Variants in OXR1 observed in about 807,000 individuals in gnomAD.
OXR1 encodes oxidation resistance 1, also known as oxidation resistance protein 1.
OXR1 carries 41 observed loss-of-function variants against 104.6 expected under a neutral mutation model. The ratio of observed to expected loss-of-function variants is 0.39; its 90% CI spans 0.31 to 0.51. The LOEUF (loss-of-function observed/expected upper bound fraction) is 0.51, where lower values mean the gene tolerates loss of function less well. Ranked by LOEUF, OXR1 falls within the 20% of genes least tolerant of loss-of-function variation. The pLI is 0.77. For synonymous variants in OXR1, 348 were observed against 348.4 expected, an observed-to-expected ratio of 1.00 and a Z score of 0.01; for missense variants, 955 against 1,031.9, an observed-to-expected ratio of 0.93 and a Z score of 1.02.
chr8:106,299,036 C>A (rs1813122408), intron 1 of OXR1, among the ~76,000 whole-genome samples: 1 of 151,742 alleles, frequency 6.6e-6, no homozygotes, highest in African/African-American at 2.4e-5. Flanking sequence ...TTGGGATAAG[C>A]TAGACAATAT....
At chr8:106,380,518 T>A (rs974891483) in intron 2 of OXR1, among the ~76,000 whole-genome samples, 4 of 152,210 alleles carry the variant, frequency 2.6e-5, no homozygotes, top group Non-Finnish European at 4.4e-5. Flanking sequence ...TGGTAACTCT[T>A]GTGTTTAACT....
At chr8:106,573,340 C>CAT (rs1817607962) in intron 3 of OXR1, among the ~76,000 whole-genome samples, 1 of 64,736 alleles carries the variant, frequency 1.5e-5, no homozygotes, top group Non-Finnish European at 3.0e-5. Context: ...AATTAACCAT[C>CAT]ACATACACAC....
chr8:106,353,834 C>T (rs1340179882), intron 1 of OXR1, among the ~76,000 whole-genome samples: 1 of 151,758 alleles, frequency 6.6e-6, no homozygotes, highest in Non-Finnish European at 1.5e-5. Context: ...CAATAGATCT[C>T]CTGAACTTAT....
chr8:106,708,595 A>G (rs1017425322), intron 9 of OXR1, among the ~76,000 whole-genome samples: 1 of 152,104 alleles, frequency 6.6e-6, no homozygotes, highest in African/African-American at 2.4e-5. Context: ...TTATTCTGTA[A>G]TATGTGTCAG....
intron 2 of OXR1, among the ~76,000 whole-genome samples, chr8:106,472,753 A>G (rs1441404073): frequency 2.0e-5 from 3 of 151,884 alleles, no homozygotes; most frequent in East Asian, 3.9e-4. Context: ...CTCCATGTAA[A>G]TATCAGTGTC....
chr8:106,626,463 CTTTTCATATTTTTACATTAATGTAATTA>C (rs2130869531), intron 3 of OXR1, among the ~76,000 whole-genome samples: 1 of 151,538 alleles, frequency 6.6e-6, no homozygotes, highest in Non-Finnish European at 1.5e-5. Context: ...TCATTCAGTC[CTTTTCATATTTTTACATTAATGTAATTA>C]TTTTTGCTTT....
At chr8:106,350,201 G>A (rs1254085875) in intron 1 of OXR1, among the ~76,000 whole-genome samples, 2 of 152,044 alleles carry the variant, frequency 1.3e-5, no homozygotes, top group East Asian at 1.9e-4. Context: ...TGAGATCAAC[G>A]CACAGGGACA....
chr8:106,742,128 T>C, intron 14 of OXR1, 94 bp from the exon 15 acceptor site: 2 of 746,398 alleles, frequency 2.7e-6, no homozygotes, highest in Non-Finnish European at 4.6e-6. Flanking sequence ...CAGATTTCTA[T>C]TTTTTGCATT....
At chr8:106,553,100 T>C (rs557899364) in intron 3 of OXR1, among the ~76,000 whole-genome samples, 45 of 152,160 alleles carry the variant, frequency 3.0e-4, no homozygotes, top group Admixed American at 2.5e-3. Flanking sequence ...TAGGCATAAA[T>C]GCTAAATGAT....
intron 3 of OXR1, among the ~76,000 whole-genome samples, chr8:106,606,876 G>C (rs553618048): frequency 6.6e-6 from 1 of 152,092 alleles, no homozygotes; most frequent in Non-Finnish European, 1.5e-5. Flanking sequence ...AAAAACACCA[G>C]GAATGGTAGT....
intron 2 of OXR1, among the ~76,000 whole-genome samples, chr8:106,496,882 A>C (rs1356535743): frequency 6.6e-6 from 1 of 152,180 alleles, no homozygotes; most frequent in Non-Finnish European, 1.5e-5. Flanking sequence ...AGTGTGGCCC[A>C]ATGTGTTCCA....
At chr8:106,355,947 C>T (rs749901922) in intron 1 of OXR1, among the ~76,000 whole-genome samples, 3 of 152,014 alleles carry the variant, frequency 2.0e-5, no homozygotes, top group African/African-American at 4.8e-5. Flanking sequence ...TAAACAGCTG[C>T]GAGGAAAACT....
chr8:106,622,660 C>T (rs533587213), intron 3 of OXR1, among the ~76,000 whole-genome samples: 5 of 152,238 alleles, frequency 3.3e-5, no homozygotes, highest in African/African-American at 1.2e-4. Context: ...TCACTTTCTT[C>T]GGGTTCTTAT....
chr8:106,575,732 T>A (rs1032434174), intron 3 of OXR1, among the ~76,000 whole-genome samples: 3 of 151,408 alleles, frequency 2.0e-5, no homozygotes, highest in African/African-American at 7.3e-5. Context: ...GGGCTTGAAT[T>A]ACTGATTACT....
intron 2 of OXR1, among the ~76,000 whole-genome samples, chr8:106,487,556 G>A (rs921866626): frequency 5.3e-5 from 8 of 151,176 alleles, no homozygotes; most frequent in Non-Finnish European, 8.8e-5. Flanking sequence ...TATATCTCCC[G>A]ATGCTATCCC....
intron 3 of OXR1, among the ~76,000 whole-genome samples, chr8:106,567,156 T>C (rs1410878590): frequency 6.6e-6 from 1 of 152,108 alleles, no homozygotes; most frequent in Non-Finnish European, 1.5e-5. Context: ...TTACCTCTCA[T>C]GGAATTATTT....
At chr8:106,625,522 A>C (rs1010833419) in intron 3 of OXR1, among the ~76,000 whole-genome samples, 1 of 152,108 alleles carries the variant, frequency 6.6e-6, no homozygotes, top group African/African-American at 2.4e-5. Flanking sequence ...GCAAGAATCT[A>C]CATTCTCTGT....
Position 106,499,590 on chromosome 8 carries a change from A to C in OXR1, c.24-19353A>C, listed in dbSNP as rs577290250. Among the ~76,000 whole-genome samples, 4 of 152,274 alleles carry C rather than the reference A, an allele frequency of 2.6e-5. No individual in the cohort carries two copies. The East Asian group carries it at 7.7e-4, about 29-fold the overall frequency. The stretch of plus-strand genomic sequence containing the variant: ...AATGATGAAAACACACAACAGACCC[A>C]CCACCACCTCCAAAATTGCTGCTGC... On this transcript the variant is annotated intron_variant, in intron 2 of 16. Coordinates refer to ENST00000517566, the MANE Select transcript of OXR1 (RefSeq NM_001198533.2).
intron 2 of OXR1, among the ~76,000 whole-genome samples, chr8:106,377,083 C>T (rs575317469): frequency 6.6e-6 from 1 of 151,880 alleles, no homozygotes; most frequent in Non-Finnish European, 1.5e-5. Flanking sequence ...TAGATATTAC[C>T]ACAAAAAGGG....
Sources: allele counts gnomAD v4.1 joint callset (sites outside exome capture counted in the v4.1 genomes callset), GRCh38; gene constraint gnomAD v4.1.1; transcripts MANE v1.5; gene names NCBI Gene and HGNC (gene_info 2026-07-23, HGNC 2026-07-21).